The following ZC3H4 variants were observed in gnomAD, a reference collection of about 807,000 sequenced individuals.
The protein encoded by ZC3H4 is zinc finger CCCH domain-containing protein 4.
Under a neutral mutation model 108.3 loss-of-function variants are expected in ZC3H4, and 13 were observed. That is an observed-to-expected ratio of 0.12 (90% CI 0.08 to 0.19). The LOEUF is 0.19. Ranked by LOEUF, ZC3H4 falls within the 10% of genes least tolerant of loss-of-function variation. The probability of loss-of-function intolerance (pLI) is 1.00; values close to 1 mark genes in which losing one functional copy is unlikely to be tolerated. For missense variants in ZC3H4, 1,734 were observed against 1,838.8 expected (o/e 0.94, Z 1.04); for synonymous variants, 917 against 749.6 (o/e 1.22, Z -3.65).
intron 14 of ZC3H4, among the ~76,000 whole-genome samples, chr19:47,068,574 G>A (rs59919175): frequency 0.018 from 2,758 of 152,228 alleles, 70 homozygotes; most frequent in African/African-American, 0.061. Flanking sequence ...TGGCTCCTGC[G>A]CTACAGTCAG....
Position 47,089,982 on chromosome 19 carries a change from T to TGCC in ZC3H4, c.697_699dup (p.Gly233dup). ...CAGGGCTCACCTCGGCCGCGGCTGC[T>TGCC]GCCCTCCTTGGCACGCCGGTACTGG... On this transcript the variant is annotated inframe_insertion, in exon 5 of 15. Transcript: ENST00000253048. 1.2e-6 allele frequency: 2 copies of TGCC among 1,614,214 alleles called. No individual in the cohort carries two copies. The highest frequency in any genetic ancestry group is 1.7e-6 in the Non-Finnish European group (2 of 1,180,028).
intron 4 of ZC3H4, among the ~76,000 whole-genome samples, chr19:47,091,751 G>A (rs1449745633): frequency 2.0e-5 from 3 of 151,452 alleles, no homozygotes; most frequent in Non-Finnish European, 4.4e-5. Context: ...AAATTTGCCA[G>A]GTGTGGTGGT....
chr19:47,096,494 G>A (rs2057822474), intron 2 of ZC3H4, among the ~76,000 whole-genome samples: 1 of 152,242 alleles, frequency 6.6e-6, no homozygotes, highest in South Asian at 2.1e-4. Flanking sequence ...CAAGGGAGAA[G>A]CTGTTACTCA....
chr19:47,104,742 C>T (rs1426707771), intron 2 of ZC3H4, among the ~76,000 whole-genome samples: 3 of 152,230 alleles, frequency 2.0e-5, no homozygotes, highest in Non-Finnish European at 4.4e-5. Flanking sequence ...ACTGTGACTG[C>T]TCTCGTTCCC....
intron 4 of ZC3H4, among the ~76,000 whole-genome samples, chr19:47,092,816 C>CAATAAATAAATAAATAAATA: frequency 6.8e-6 from 1 of 146,834 alleles, no homozygotes; most frequent in Middle Eastern, 3.2e-3. Context: ...GACTCCGTCT[C>CAATAAATAAATAAATAAATA]AATAAATAAA....
intron 2 of ZC3H4, chr19:47,112,076 C>A: frequency 1.0e-6 from 1 of 1,000,814 alleles, no homozygotes; most frequent in Non-Finnish European, 1.2e-6. Flanking sequence ...TGGGTCTCCG[C>A]AGCACCCCCC....
In ZC3H4 at chr19:47,069,316, G is replaced by A. The variant is rs2057283813; in HGVS notation, c.2174C>T (p.Pro725Leu). 1 of 1,613,398 alleles carries A rather than the reference G, an allele frequency of 6.2e-7. No individual in the cohort carries two copies. Among genetic ancestry groups the A allele is most frequent in the African/African-American group, 1.3e-5 (1 of 74,892 alleles). The change falls in exon 14 of 15, where the codon CCA (proline) becomes CTA (leucine). Residue 725 changes from proline (P) to leucine (L), a missense_variant. By Grantham distance (98) the Pro-to-Leu change is moderately conservative. Transcript: ENST00000253048. ...GAAGAGGTGCTCCCCAGGCTCCCCT[G>A]GCAGCTCTTCGTAGTGCCCGTAGTC... Reference protein sequence around the residue: ...AEDYGHYEELPGEPGEHLFPE... With the variant: ...AEDYGHYEELLGEPGEHLFPE...
At chr19:47,082,984 C>A (rs530837844) in intron 9 of ZC3H4, among the ~76,000 whole-genome samples, 1 of 152,184 alleles carries the variant, frequency 6.6e-6, no homozygotes, top group African/African-American at 2.4e-5. Context: ...TCACCATAAC[C>A]GTGAACTGAA....
In ZC3H4 at chr19:47,069,312, C is replaced by A. The variant is rs113113003; in HGVS notation, c.2178G>T (p.Gly726=). 8.0e-5 allele frequency: 129 copies of A among 1,613,486 alleles called. No individual in the cohort carries two copies. The highest frequency in any genetic ancestry group is 1.0e-4 in the Non-Finnish European group (122 of 1,179,800). Residue 726 remains glycine (G), a synonymous_variant, in exon 14 of 15, where the codon GGG becomes GGT. Coordinates refer to ENST00000253048, the MANE Select transcript of ZC3H4 (RefSeq NM_015168.2). ...CAGGGAAGAGGTGCTCCCCAGGCTC[C>A]CCTGGCAGCTCTTCGTAGTGCCCGT... ...EDYGHYEELP[G]EPGEHLFPEH...
chr19:47,101,846 C>T lies in ZC3H4; in HGVS notation c.162-7238G>A, dbSNP rs1319927116. 2.7e-5 allele frequency among the ~76,000 whole-genome samples: 4 copies of T among 148,598 alleles called. No homozygotes were observed. The East Asian group carries it at 7.9e-4, about 29-fold the overall frequency. On this transcript the variant is annotated intron_variant, in intron 2 of 14. Coordinates refer to ENST00000253048, the MANE Select transcript of ZC3H4 (RefSeq NM_015168.2). ...TCGCACCACTGCACTCCAGCCTGGG[C>T]AACAGAGCAAGACTCTGTCTCGAAA... is the stretch of plus-strand genomic sequence containing the variant.
At chr19:47,112,117 G>A in intron 2 of ZC3H4, 1 of 1,068,248 alleles carries the variant, frequency 9.4e-7, no homozygotes. Flanking sequence ...CAGGCGGACG[G>A]GCGCGGGGGG....
intron 11 of ZC3H4, among the ~76,000 whole-genome samples, chr19:47,079,712 A>G (rs1568542694): frequency 6.6e-6 from 1 of 152,184 alleles, no homozygotes; most frequent in Admixed American, 6.5e-5. Flanking sequence ...CCTGGCCAAC[A>G]TGGTGAAACC....
At chr19:47,112,692 AT>A (rs2058056261) in intron 1 of ZC3H4, 103 bp from the exon 2 acceptor site, 6 of 659,020 alleles carry the variant, frequency 9.1e-6, no homozygotes, top group Admixed American at 8.8e-5. Flanking sequence ...TGGGGTATAT[AT>A]TTTTTCGGTT....
At chr19:47,094,881 C>T (rs1203211960) in intron 2 of ZC3H4, among the ~76,000 whole-genome samples, 1 of 152,210 alleles carries the variant, frequency 6.6e-6, no homozygotes, top group Non-Finnish European at 1.5e-5. Context: ...GATTTCCCAA[C>T]AGAACTAGTG....
Position 47,091,528 on chromosome 19 carries a change from T to A in ZC3H4, c.493-1339A>T, listed in dbSNP as rs549823337. ...GGCAGAGGATGCGGTGAGGCAAGAT[T>A]GCGCCACTGCACTCCAGCCTGGGCG... On this transcript the variant is annotated intron_variant, in intron 4 of 14. Coordinates refer to ENST00000253048, the MANE Select transcript of ZC3H4 (RefSeq NM_015168.2). Among the ~76,000 whole-genome samples, 3 of 151,706 alleles carry A rather than the reference T, an allele frequency of 2.0e-5. No individual in the cohort carries two copies. The East Asian group carries it at 5.8e-4, about 29-fold the overall frequency.
chr19:47,081,639 G>C lies in ZC3H4; in HGVS notation c.1331-17C>G. On this transcript the variant is annotated splice_polypyrimidine_tract_variant and intron_variant, in intron 10 of 14. Coordinates refer to ENST00000253048, the MANE Select transcript of ZC3H4 (RefSeq NM_015168.2). ...GGAAATCACGTTCATGGCAAATTAA[G>C]GTAAATGCTTCATCTCACAGAACGC... 6.2e-7 allele frequency: 1 copy of C among 1,606,664 alleles called. No individual in the cohort carries two copies. The highest frequency in any genetic ancestry group is 8.5e-7 in the Non-Finnish European group (1 of 1,173,248).
Position 47,072,525 on chromosome 19 carries a change from G to A in ZC3H4, c.1629C>T (p.Pro543=), listed in dbSNP as rs773544949. 2.9e-6 allele frequency: 3 copies of A among 1,032,798 alleles called. No homozygotes were observed. The highest frequency in any genetic ancestry group is 1.5e-5 in the South Asian group (1 of 67,298). 64.0% of individuals were successfully genotyped at this position (1,032,798 alleles called of 1,614,324 possible). ...NGRPMQGGPP[P]PPPPPPPPPG... The stretch of plus-strand genomic sequence containing the variant: ...GCGGTGGGGGAGGGGGAGGGGGCGG[G>A]GGCGGGGGGCCACCCTGCATGGGCC... Residue 543 remains proline, a synonymous_variant, in exon 12 of 15, where the codon CCC becomes CCT. Coordinates refer to ENST00000253048, the MANE Select transcript of ZC3H4 (RefSeq NM_015168.2). The surrounding 1 kb of genome is among the most constrained non-coding windows in gnomAD (Gnocchi z 5.6).
At chr19:47,074,885 T>C (rs2057391859) in intron 11 of ZC3H4, among the ~76,000 whole-genome samples, 1 of 152,174 alleles carries the variant, frequency 6.6e-6, no homozygotes, top group Non-Finnish European at 1.5e-5. Context: ...TGAGTTTGCC[T>C]GTGTCCCTTC....
At chr19:47,081,464 G>GC in intron 11 of ZC3H4, 49 bp downstream of exon 11, 2 of 1,423,576 alleles carry the variant, frequency 1.4e-6, no homozygotes, top group Non-Finnish European at 2.0e-6. Context: ...AATGGAGTGC[G>GC]CATGTCCCAG....
Sources: gnomAD v4.1 joint callset for allele counts (sites outside exome capture counted in the v4.1 genomes callset) on GRCh38, gnomAD v4.1.1 for gene constraint, Gnocchi (gnomAD v3.1) non-coding constraint, MANE v1.5 for transcripts, NCBI Gene and HGNC (gene_info 2026-07-23, HGNC 2026-07-21) for gene names.